The following OR8G5 variants were observed in gnomAD, a reference collection of about 807,000 sequenced individuals.
OR8G5 encodes the protein olfactory receptor family 8 subfamily G member 5.
For missense variants in OR8G5, 347 were observed against 371.9 expected (o/e 0.93, Z 0.55); for synonymous variants, 147 against 147.7 (o/e 1.00, Z 0.03).
intron 1 of OR8G5, among the ~76,000 whole-genome samples, chr11:124,257,438 A>T (rs1861924437): frequency 6.6e-6 from 1 of 152,150 alleles, no homozygotes; most frequent in Admixed American, 6.6e-5. Context: ...CAGGTGGTTG[A>T]GGCTTAAATA....
Position 124,265,602 on chromosome 11 carries a change from G to A in OR8G5, c.671G>A (p.Ser224Asn), listed in dbSNP as rs775795686. ...AGCTCTTACATCTTCATCATTGCCA[G>A]CATCCTCCGCATTCGCTACACTGAG... ...ILSSYIFIIA[S>N]ILRIRYTEGR... The change falls in exon 2 of 2, where the codon AGC (serine) becomes AAC (asparagine). Residue 224 changes from serine to asparagine, a missense_variant. Ser to Asn is a conservative substitution (Grantham distance 46, BLOSUM62 1). Coordinates refer to ENST00000641992, the MANE Select transcript of OR8G5 (RefSeq NM_001005198.2). 9 of 1,613,750 alleles carry A rather than the reference G, an allele frequency of 5.6e-6. No homozygotes were observed. The highest frequency in any genetic ancestry group is 1.3e-5 in the African/African-American group (1 of 74,890).
intron 1 of OR8G5, among the ~76,000 whole-genome samples, chr11:124,258,819 A>T (rs567872277): frequency 6.6e-6 from 1 of 152,234 alleles, no homozygotes; most frequent in South Asian, 2.1e-4. Flanking sequence ...GCACCATTGT[A>T]ACACATTCTA....
At chr11:124,257,111 T>C (rs1282080989) in intron 1 of OR8G5, among the ~76,000 whole-genome samples, 1 of 152,118 alleles carries the variant, frequency 6.6e-6, no homozygotes, top group Non-Finnish European at 1.5e-5. Flanking sequence ...GCCAAATATT[T>C]CTCTCACAAA....
Position 124,265,286 on chromosome 11 carries a change from G to A in OR8G5, c.355G>A (p.Ala119Thr), listed in dbSNP as rs758833536. ...AGAGTGTCACATGTTGGCTGCAATG[G>A]CATATGACGGCTACGTGGCCATCTG... Reference protein sequence around the residue: ...IAECHMLAAMAYDGYVAICSP... With the variant: ...IAECHMLAAMTYDGYVAICSP... Residue 119 changes from alanine to threonine, a missense_variant, in exon 2 of 2, where the codon GCA becomes ACA. By Grantham distance (58) the Ala-to-Thr change is moderately conservative (BLOSUM62 0). Transcript: ENST00000641992. 7.4e-6 allele frequency: 12 copies of A among 1,614,008 alleles called. No individual in the cohort carries two copies. The highest frequency in any genetic ancestry group is 2.2e-5 in the East Asian group (1 of 44,876).
chr11:124,257,799 C>T (rs1861927276), intron 1 of OR8G5, among the ~76,000 whole-genome samples: 2 of 152,112 alleles, frequency 1.3e-5, no homozygotes, highest in African/African-American at 4.8e-5. Context: ...AAGAGTCCCA[C>T]CCAGTACTTT....
At chr11:124,264,878 A>G (rs1163559888) in intron 1 of OR8G5, 40 bp from the exon 2 acceptor site, 2 of 1,607,602 alleles carry the variant, frequency 1.2e-6, no homozygotes, top group African/African-American at 2.7e-5. Context: ...GAATAACAAT[A>G]CAATTCACCT....
rs772112845 is a variant in OR8G5 at position 124,265,414 on chromosome 11, C to G, written c.483C>G (p.Gly161=). Residue 161 remains glycine, a synonymous_variant, in exon 2 of 2, where the codon GGC becomes GGG. Coordinates refer to ENST00000641992, the MANE Select transcript of OR8G5 (RefSeq NM_001005198.2). Reference sequence around the variant, plus strand: ...TGATTTGTGCGTCAGCTCATATAGGCTGTATGTTTAGGGTTCAATTCTGCA... The same window carrying G: ...TGATTTGTGCGTCAGCTCATATAGGGTGTATGTTTAGGGTTCAATTCTGCA... The part of the protein sequence containing the change: ...IGLICASAHI[G]CMFRVQFCKF... The G allele has an allele frequency of 6.2e-7, 1 of 1,613,884 alleles. No individual in the cohort carries two copies. Among genetic ancestry groups the G allele is most frequent in the African/African-American group, 1.3e-5 (1 of 74,926 alleles).
rs1565320452 is a variant in OR8G5 at position 124,265,253 on chromosome 11, G to T, written c.322G>T (p.Ala108Ser). Residue 108 changes from alanine (A) to serine (S), a missense_variant, in exon 2 of 2, where the codon GCT becomes TCT. Coordinates refer to ENST00000641992, the MANE Select transcript of OR8G5 (RefSeq NM_001005198.2). ...MTQLYFFLVF[A>S]IAECHMLAAM... ...TCAGCTCTACTTCTTCCTCGTTTTT[G>T]CTATTGCAGAGTGTCACATGTTGGC... 1.2e-6 allele frequency: 2 copies of T among 1,613,980 alleles called. No homozygotes were observed. Among genetic ancestry groups the T allele is most frequent in the East Asian group, 4.5e-5 (2 of 44,882 alleles).
rs750469798 is a variant in OR8G5, at chr11:124,265,819, T to C, written c.888T>C (p.Asp296=). Residue 296 remains aspartate, a synonymous_variant, in exon 2 of 2, where the codon GAT becomes GAC. Coordinates refer to ENST00000641992, the MANE Select transcript of OR8G5 (RefSeq NM_001005198.2). The part of the protein sequence containing the change: ...NPLIYSLRNK[D]VHVALKKTLG... ...TGATCTACAGCCTGAGGAATAAAGATGTCCACGTTGCCCTGAAGAAAACGC... is the reference window on the plus strand; with the variant it reads ...TGATCTACAGCCTGAGGAATAAAGACGTCCACGTTGCCCTGAAGAAAACGC... 1.2e-6 allele frequency: 2 copies of C among 1,614,088 alleles called. No homozygotes were observed. The highest frequency in any genetic ancestry group is 1.7e-6 in the Non-Finnish European group (2 of 1,179,964).
At chr11:124,264,192 G>T (rs1307381271) in intron 1 of OR8G5, among the ~76,000 whole-genome samples, 1 of 152,074 alleles carries the variant, frequency 6.6e-6, no homozygotes, top group African/African-American at 2.4e-5. Flanking sequence ...ACACAAAGAG[G>T]CTATTTTACA....
intron 1 of OR8G5, among the ~76,000 whole-genome samples, chr11:124,258,450 C>T (rs927203938): frequency 1.3e-5 from 2 of 151,886 alleles, no homozygotes; most frequent in African/African-American, 2.4e-5. Flanking sequence ...CTCAGCTACT[C>T]AGGAGGCTGA....
Position 124,265,924 on chromosome 11 carries a change from A to T in OR8G5, c.*57A>T, listed in dbSNP as rs1336101660. ...TCTAAGTTTTTGGCTATGATATTGTATGAAATGATGTCTTTCACTTTAGTG... is the reference window on the plus strand; with the variant it reads ...TCTAAGTTTTTGGCTATGATATTGTTTGAAATGATGTCTTTCACTTTAGTG... On this transcript the variant is annotated 3_prime_UTR_variant, in exon 2 of 2. Coordinates refer to ENST00000641992, the MANE Select transcript of OR8G5 (RefSeq NM_001005198.2). 1.4e-5 allele frequency: 21 copies of T among 1,494,442 alleles called. No homozygotes were observed. The highest frequency in any genetic ancestry group is 1.9e-5 in the Non-Finnish European group (21 of 1,122,222). 92.6% of individuals were successfully genotyped at this position (1,494,442 alleles called of 1,614,324 possible).
chr11:124,263,740 T>C (rs1400222590), intron 1 of OR8G5, among the ~76,000 whole-genome samples: 1 of 151,502 alleles, frequency 6.6e-6, no homozygotes, highest in Non-Finnish European at 1.5e-5. Flanking sequence ...GTTAGTTTTA[T>C]GCTCAGGTCT....
At chr11:124,256,874 T>C (rs145710469) in intron 1 of OR8G5, among the ~76,000 whole-genome samples, 2 of 152,338 alleles carry the variant, frequency 1.3e-5, no homozygotes, top group Non-Finnish European at 2.9e-5. Context: ...AAAAATGTGC[T>C]GTTTAGAAAT....
At position 124,265,311 on chromosome 11, in the gene OR8G5, G is replaced by A. The variant is rs780714241; in HGVS notation, c.380G>A (p.Cys127Tyr). Residue 127 changes from cysteine (C) to tyrosine (Y), a missense_variant, in exon 2 of 2, where the codon TGT becomes TAT. By Grantham distance (194) the Cys-to-Tyr change is radical. Transcript: ENST00000641992. ...AMAYDGYVAI[C>Y]SPLLYSIIIS... is the part of the protein sequence containing the mutation. Reference sequence around the variant, plus strand: ...GCATATGACGGCTACGTGGCCATCTGTAGCCCCTTGCTGTACAGCATCATC... The same window carrying A: ...GCATATGACGGCTACGTGGCCATCTATAGCCCCTTGCTGTACAGCATCATC... 3.7e-6 allele frequency: 6 copies of A among 1,614,020 alleles called. No individual in the cohort carries two copies. The highest frequency in any genetic ancestry group is 1.6e-4 in the Middle Eastern group (1 of 6,062).
At position 124,265,115 on chromosome 11, in the gene OR8G5, T is replaced by A. The variant is rs1290884901; in HGVS notation, c.184T>A (p.Phe62Ile). Residue 62 changes from phenylalanine (F) to isoleucine (I), a missense_variant, in exon 2 of 2, where the codon TTC (phenylalanine) becomes ATC (isoleucine). By Grantham distance (21) the Phe-to-Ile change is conservative. Coordinates refer to ENST00000641992, the MANE Select transcript of OR8G5 (RefSeq NM_001005198.2). ...SSHLHTPMYC[F>I]LSSLSFIDFC... ...TCACCTGCACACACCTATGTACTGT[T>A]TCCTCAGCAGTCTGTCCTTCATTGA... 1 of 1,614,046 alleles carries A rather than the reference T, an allele frequency of 6.2e-7. No homozygotes were observed. The highest frequency in any genetic ancestry group is 2.2e-5 in the East Asian group (1 of 44,894).
chr11:124,257,917 A>G (rs995569808), intron 1 of OR8G5, among the ~76,000 whole-genome samples: 1 of 152,140 alleles, frequency 6.6e-6, no homozygotes, highest in Non-Finnish European at 1.5e-5. Flanking sequence ...CCAGAGTGCC[A>G]TATTTTGGGG....
At chr11:124,262,727 T>C (rs1861985490) in intron 1 of OR8G5, among the ~76,000 whole-genome samples, 1 of 151,816 alleles carries the variant, frequency 6.6e-6, no homozygotes. Context: ...ACTCATCTGT[T>C]GATGAACATT....
intron 1 of OR8G5, among the ~76,000 whole-genome samples, chr11:124,260,049 G>A (rs1369150540): frequency 2.6e-5 from 4 of 151,958 alleles, no homozygotes; most frequent in Non-Finnish European, 4.4e-5. Context: ...TAACTTTTGA[G>A]AATCAATATC....
Sources: allele counts gnomAD v4.1 joint callset (sites outside exome capture counted in the v4.1 genomes callset), GRCh38; gene constraint gnomAD v4.1.1; transcripts MANE v1.5; gene names NCBI Gene and HGNC (gene_info 2026-07-23, HGNC 2026-07-21).